DLG2: variants seen among roughly 807,000 people sequenced by gnomAD.
The protein encoded by DLG2 is discs large MAGUK scaffold protein 2.
A neutral mutation model predicts 132.5 loss-of-function variants in DLG2; 45 were observed. The ratio of observed to expected loss-of-function variants is 0.34; its 90% CI spans 0.27 to 0.44. DLG2 has a LOEUF of 0.44. DLG2 is among the 20% of genes least tolerant of loss of function. The pLI is 1.00. For missense variants in DLG2, 1,045 were observed against 1,196.9 expected (o/e 0.87, Z 1.87); for synonymous variants, 424 against 419.6 (o/e 1.01, Z -0.13).
At chr11:85,411,315 A>G (rs1749087508) in intron 3 of DLG2, among the ~76,000 whole-genome samples, 1 of 151,830 alleles carries the variant, frequency 6.6e-6, no homozygotes, top group Admixed American at 6.6e-5. Context: ...GGAAATGAAG[A>G]GAGGAAACAT....
intron 18 of DLG2, among the ~76,000 whole-genome samples, chr11:83,768,279 C>T (rs557252135): frequency 6.6e-5 from 10 of 152,304 alleles, no homozygotes; most frequent in African/African-American, 2.4e-4. Flanking sequence ...AAATATCTTG[C>T]TCCTTAAAGG....
chr11:84,865,054 G>A (rs2084339269), intron 6 of DLG2, among the ~76,000 whole-genome samples: 1 of 152,160 alleles, frequency 6.6e-6, no homozygotes, highest in Admixed American at 6.5e-5. Flanking sequence ...GGGCTTGACA[G>A]TGGCCAGAGG....
chr11:83,642,343 T>A lies in DLG2; in HGVS notation c.1826-9018A>T, dbSNP rs145424758. Reference sequence around the variant, plus strand: ...AATAATTTTTAATAACACACTGAATTAAGGTATGTCTTTCTCCATTCCTCC... The same window carrying A: ...AATAATTTTTAATAACACACTGAATAAAGGTATGTCTTTCTCCATTCCTCC... On this transcript the variant is annotated intron_variant, in intron 18 of 27. Coordinates refer to ENST00000376104, the MANE Select transcript of DLG2 (RefSeq NM_001142699.3). 7.7e-4 allele frequency among the ~76,000 whole-genome samples: 117 copies of A among 152,334 alleles called. 1 individual carries two copies. Among genetic ancestry groups the A allele is most frequent in the African/African-American group, 2.7e-3 (113 of 41,578 alleles).
At chr11:85,361,440 T>C (rs2084149301) in intron 3 of DLG2, among the ~76,000 whole-genome samples, 1 of 152,180 alleles carries the variant, frequency 6.6e-6, no homozygotes, top group Admixed American at 6.5e-5. Flanking sequence ...ACCCAATAAA[T>C]AATTTTTCAA....
intron 3 of DLG2, among the ~76,000 whole-genome samples, chr11:85,451,912 T>G (rs2092260586): frequency 1.3e-5 from 2 of 152,204 alleles, no homozygotes. Context: ...CTGGTTTTAA[T>G]TCCTTTTATA....
At position 84,720,251 on chromosome 11, in the gene DLG2, C is replaced by G. The variant is rs531083455; in HGVS notation, c.358-185520G>C. The G allele has an allele frequency of 8.8e-4, 861 of 983,804 alleles. 1 individual carries two copies. Among genetic ancestry groups the G allele is most frequent in the Admixed American group, 2.2e-3 (36 of 16,282 alleles). 60.9% of individuals were successfully genotyped at this position (983,804 alleles called of 1,614,324 possible). On this transcript the variant is annotated intron_variant, in intron 6 of 27. Coordinates refer to ENST00000376104, the MANE Select transcript of DLG2 (RefSeq NM_001142699.3). ...GCAACAGAAGGAATTGTTCTCTCCC[C>G]CGAGGGAGGCAACATGCATTAAAAA...
chr11:84,625,006 G>A (rs967111509), intron 6 of DLG2, among the ~76,000 whole-genome samples: 1 of 148,394 alleles, frequency 6.7e-6, no homozygotes, highest in East Asian at 2.0e-4. Flanking sequence ...GACTACAGGC[G>A]CCCGCCACTA....
At chr11:85,628,327 G>A (rs1329551255), upstream of DLG2, among the ~76,000 whole-genome samples, 8 of 152,234 alleles carry the variant, frequency 5.3e-5, no homozygotes, top group African/African-American at 1.4e-4. Context: ...CCCGCAGGAC[G>A]CGAAGAGATC....
At chr11:84,526,666 C>A (rs2099321461) in intron 7 of DLG2, among the ~76,000 whole-genome samples, 1 of 151,702 alleles carries the variant, frequency 6.6e-6, no homozygotes, top group Admixed American at 6.6e-5. Flanking sequence ...CCTTACTGAG[C>A]CTAATTTATA....
At chr11:84,814,678 G>A (rs1208565589) in intron 6 of DLG2, among the ~76,000 whole-genome samples, 1 of 152,020 alleles carries the variant, frequency 6.6e-6, no homozygotes, top group African/African-American at 2.4e-5. Flanking sequence ...CTGCTTAGAA[G>A]GATCTACTTC....
Position 83,518,698 on chromosome 11 carries a change from T to G in DLG2, c.2193+14010A>C, listed in dbSNP as rs555526876. Among the ~76,000 whole-genome samples, 6 of 152,150 alleles carry G rather than the reference T, an allele frequency of 3.9e-5. No homozygotes were observed. In the East Asian group the frequency reaches 1.2e-3, roughly 29 times the overall value. ...CAACTTTAAGTGTCTGAATTATATA[T>G]CCCAAAGAAGCAGAGCTGCACAGTT... On this transcript the variant is annotated intron_variant, in intron 21 of 27. Coordinates refer to ENST00000376104, the MANE Select transcript of DLG2 (RefSeq NM_001142699.3).
At chr11:84,802,046 T>G (rs537086995) in intron 6 of DLG2, among the ~76,000 whole-genome samples, 1 of 152,042 alleles carries the variant, frequency 6.6e-6, no homozygotes, top group African/African-American at 2.4e-5. Context: ...TTTCCATAAT[T>G]TAGGTGATCA....
rs138704561 is a variant in DLG2 at position 83,934,586 on chromosome 11, C to T, written c.1341-4103G>A. Among the ~76,000 whole-genome samples the T allele has an allele frequency of 3.2e-3, 481 of 152,106 alleles. 2 individuals are homozygous for T. Among genetic ancestry groups the T allele is most frequent in the African/African-American group, 9.5e-3 (393 of 41,478 alleles). On this transcript the variant is annotated intron_variant, in intron 14 of 27. Transcript: ENST00000376104. ...GTCTTCATCTGTGTAGCACCTGAAC[C>T]TACAAGGTCAAAGGAATATGACTCT...
In DLG2 at chr11:83,850,123, AGTGT is replaced by A. The variant is rs544279195; in HGVS notation, c.1566-16357_1566-16354del. Among the ~76,000 whole-genome samples the A allele has an allele frequency of 4.9e-3, 190 of 39,104 alleles. 3 individuals are homozygous for A. In the South Asian group the frequency reaches 0.049, roughly 10 times the overall value. 25.7% of individuals were successfully genotyped at this position (39,104 alleles called of 152,430 possible). A position where few individuals can be genotyped will look rare whatever the true frequency, so the allele number is the denominator to read the frequency against. ...TCATTCATCCGTAACATTTGGGGTA[AGTGT>A]GTGTGTGTGTGTGTGTGTGTGTGTG... On this transcript the variant is annotated intron_variant, in intron 16 of 27. Transcript: ENST00000376104.
intron 3 of DLG2, among the ~76,000 whole-genome samples, chr11:85,414,965 C>T (rs2089689726): frequency 6.6e-6 from 1 of 152,036 alleles, no homozygotes; most frequent in Non-Finnish European, 1.5e-5. Context: ...CACTCACCAA[C>T]TGGTCATCTA....
At chr11:83,537,807 C>CAAAA (rs1164386994) in intron 20 of DLG2, among the ~76,000 whole-genome samples, 233 of 18,218 alleles carry the variant, frequency 0.013, 33 homozygotes, top group Middle Eastern at 0.045. Flanking sequence ...GACTCTGTCT[C>CAAAA]AAAAAAAAAA....
At chr11:85,136,651 A>G (rs961976079) in intron 5 of DLG2, among the ~76,000 whole-genome samples, 11 of 152,214 alleles carry the variant, frequency 7.2e-5, no homozygotes, top group African/African-American at 2.4e-4. Context: ...TGAAAGTTTG[A>G]TATCATAAAA....
At chr11:84,527,809 AAAATATG>A (rs2099325897) in intron 7 of DLG2, among the ~76,000 whole-genome samples, 1 of 152,088 alleles carries the variant, frequency 6.6e-6, no homozygotes, top group African/African-American at 2.4e-5. Context: ...AATATGTGAT[AAAATATG>A]AAGTTTAGAA....
In DLG2 at chr11:83,484,144, T is replaced by C; in HGVS notation, c.2278A>G (p.Thr760Ala). 6.2e-7 allele frequency: 1 copy of C among 1,613,128 alleles called. No homozygotes were observed. Among genetic ancestry groups the C allele is most frequent in the South Asian group, 1.1e-5 (1 of 91,054 alleles). Residue 760 changes from threonine to alanine, a missense_variant, in exon 22 of 28, where the codon ACC becomes GCC. This residue lies in a region of DLG2 where 398 missense variants were observed against 543.6 expected (regional missense o/e 0.73). Coordinates refer to ENST00000376104, the MANE Select transcript of DLG2 (RefSeq NM_001142699.3). ...YKNKEQSEQE[T>A]SDPERGQEDL... ...ATCTACTTACGTTCAGGATCACTGG[T>C]TTCCTGCTCACTCTGCTCCTTGTTC...
Sources: allele counts gnomAD v4.1 joint callset (sites outside exome capture counted in the v4.1 genomes callset), GRCh38; gene constraint gnomAD v4.1.1; regional missense constraint gnomAD v4.1.1; transcripts MANE v1.5; gene names NCBI Gene and HGNC (gene_info 2026-07-23, HGNC 2026-07-21).